DNAH9: variants seen among roughly 807,000 people sequenced by gnomAD.
DNAH9 encodes the protein dynein axonemal heavy chain 9.
Under a neutral mutation model 471.6 loss-of-function variants are expected in DNAH9, and 345 were observed. The observed-to-expected ratio is 0.73, with a 90% CI of 0.67 to 0.80. DNAH9 has a LOEUF of 0.80. DNAH9 is among the 30% of genes least tolerant of loss of function. The probability of loss-of-function intolerance (pLI) is 0.00; values close to 1 mark genes in which losing one functional copy is unlikely to be tolerated. For synonymous variants in DNAH9, 2,093 were observed against 2,123.6 expected (o/e 0.99, Z 0.40); for missense variants, 5,407 against 5,609.2 (o/e 0.96, Z 1.15).
In DNAH9 at chr17:11,781,858, AC is replaced by A. The variant is rs1293054533; in HGVS notation, c.7718+685del. ...AAAAAAAAAAACAAACAAAAAAAAA[AC>A]TACCAAACACCCGGTACCATGCACC... On this transcript the variant is annotated intron_variant, in intron 39 of 68. Coordinates refer to ENST00000262442, the MANE Select transcript of DNAH9 (RefSeq NM_001372.4). 3.8e-4 allele frequency among the ~76,000 whole-genome samples: 57 copies of A among 149,470 alleles called. 1 individual carries two copies. Among genetic ancestry groups the A allele is most frequent in the Non-Finnish European group, 6.1e-4 (41 of 67,502 alleles).
intron 45 of DNAH9, among the ~76,000 whole-genome samples, chr17:11,816,875 C>T (rs1393360570): frequency 2.0e-5 from 3 of 152,170 alleles, no homozygotes; most frequent in Admixed American, 1.3e-4. Flanking sequence ...TCCCAACTTT[C>T]GGTGAAACCT....
rs1434106170 is a variant in DNAH9 at position 11,669,092 on chromosome 17, T to G, written c.2760T>G (p.Phe920Leu). 1 of 1,613,678 alleles carries G rather than the reference T, an allele frequency of 6.2e-7. No individual in the cohort carries two copies. Among genetic ancestry groups the G allele is most frequent in the South Asian group, 1.1e-5 (1 of 91,026 alleles). Residue 920 changes from phenylalanine to leucine, a missense_variant, in exon 16 of 69, where the codon TTT becomes TTG. By Grantham distance (22) the Phe-to-Leu change is conservative. Around this residue, in one of 3 missense-constraint regions of DNAH9, gnomAD observed 4,636 missense variants for 4,900.3 expected, o/e 0.95. Coordinates refer to ENST00000262442, the MANE Select transcript of DNAH9 (RefSeq NM_001372.4). Reference sequence around the variant, plus strand: ...GTAAGGCAGGACTTACCCCAATATTTGAAGCACAACTGAGTCTAGCCATCC... The same window carrying G: ...GTAAGGCAGGACTTACCCCAATATTGGAAGCACAACTGAGTCTAGCCATCC... Reference protein sequence around the residue: ...TECKAGLTPIFEAQLSLAIPE... With the variant: ...TECKAGLTPILEAQLSLAIPE...
At chr17:11,694,702 C>CTCGCTT (rs2074411698) in intron 22 of DNAH9, among the ~76,000 whole-genome samples, 2 of 4,062 alleles carry the variant, frequency 4.9e-4, no homozygotes, top group Non-Finnish European at 2.3e-3. Flanking sequence ...TTCTCGCTTT[C>CTCGCTT]TCTCTCTCTC....
At chr17:11,779,827 ATTAAAT>A (rs1295605820) in intron 38 of DNAH9, among the ~76,000 whole-genome samples, 2 of 152,234 alleles carry the variant, frequency 1.3e-5, no homozygotes, top group Non-Finnish European at 2.9e-5. Flanking sequence ...TTGGATGCTA[ATTAAAT>A]TTAAATTTAA....
At chr17:11,957,220 C>A (rs1235382006) in intron 67 of DNAH9, among the ~76,000 whole-genome samples, 1 of 152,038 alleles carries the variant, frequency 6.6e-6, no homozygotes, top group Non-Finnish European at 1.5e-5. Context: ...AAATGTATAA[C>A]CTAAATAGCC....
At chr17:11,621,407 C>CAAAAAAA (rs34933930) in intron 6 of DNAH9, among the ~76,000 whole-genome samples, 3 of 72,594 alleles carry the variant, frequency 4.1e-5, no homozygotes, top group African/African-American at 1.1e-4. Context: ...GACTCCATCT[C>CAAAAAAA]AAAAAAAAAA....
intron 59 of DNAH9, among the ~76,000 whole-genome samples, chr17:11,897,942 G>A (rs1973270481): frequency 6.6e-6 from 1 of 152,106 alleles, no homozygotes; most frequent in African/African-American, 2.4e-5. Flanking sequence ...GCAGGGCCGT[G>A]CTCCCTCCAG....
At position 11,828,472 on chromosome 17, in the gene DNAH9, T is replaced by TCAAAAA. The variant is rs1327302845; in HGVS notation, c.9246+5439_9246+5444dup. Among the ~76,000 whole-genome samples the TCAAAAA allele has an allele frequency of 5.5e-5, 2 of 36,434 alleles. 1 individual carries two copies. The highest frequency in any genetic ancestry group is 1.3e-4 in the Non-Finnish European group (2 of 15,232). 23.9% of individuals were successfully genotyped at this position (36,434 alleles called of 152,430 possible). ...TGGGCAACAAGAGTGAAACTCCGTC[T>TCAAAAA]CAAAAAAAAAAAAAATAGTGCCCGA... On this transcript the variant is annotated intron_variant, in intron 48 of 68. Transcript: ENST00000262442.
chr17:11,905,733 A>G lies in DNAH9; in HGVS notation c.11673A>G (p.Glu3891=). The G allele has an allele frequency of 6.2e-7, 1 of 1,614,164 alleles. No homozygotes were observed. Among genetic ancestry groups the G allele is most frequent in the East Asian group, 2.2e-5 (1 of 44,874 alleles). ...CCCTAGATTTTGCAACCTCATTTGA[A>G]GAATCGGGACCAGCCACTCCTATGT... is the stretch of plus-strand genomic sequence containing the variant. ...GRALDFATSF[E]ESGPATPMFF... Residue 3891 remains glutamate, a synonymous_variant, in exon 61 of 69, where the codon GAA becomes GAG. Transcript: ENST00000262442.
At chr17:11,700,847 T>G (rs570846800) in intron 23 of DNAH9, among the ~76,000 whole-genome samples, 1 of 152,292 alleles carries the variant, frequency 6.6e-6, no homozygotes, top group Non-Finnish European at 1.5e-5. Context: ...TTGTATGAGC[T>G]CTGGGTGACA....
chr17:11,829,046 G>A (rs1261448754), intron 48 of DNAH9, among the ~76,000 whole-genome samples: 1 of 152,180 alleles, frequency 6.6e-6, no homozygotes, highest in Non-Finnish European at 1.5e-5. Context: ...AGCTCAGAGT[G>A]GGGGTGGAGG....
In DNAH9 at chr17:11,854,001, A is replaced by G. The variant is rs929667186; in HGVS notation, c.9508-2A>G. 2.5e-6 allele frequency: 4 copies of G among 1,612,524 alleles called. No homozygotes were observed. The highest frequency in any genetic ancestry group is 3.4e-6 in the Non-Finnish European group (4 of 1,178,860). On this transcript the variant is annotated splice_acceptor_variant, in intron 49 of 68. Transcript: ENST00000262442. LOFTEE classifies it high-confidence loss of function. ...CCTAACCACCTCCTTCTCTTTTCCC[A>G]GACCAACCTGACAGAGCTGAAGTCA... is the stretch of plus-strand genomic sequence containing the variant.
intron 48 of DNAH9, among the ~76,000 whole-genome samples, chr17:11,826,399 C>T (rs373886904): frequency 2.9e-5 from 3 of 104,126 alleles, no homozygotes; most frequent in African/African-American, 1.1e-4. Flanking sequence ...TCAGTTCCCA[C>T]ATTTAAAAAT....
In DNAH9 at chr17:11,857,103, A is replaced by T. The variant is rs1446227732; in HGVS notation, c.9933+2675A>T. On this transcript the variant is annotated intron_variant, in intron 50 of 68. Transcript: ENST00000262442. ...AGTCTCTTCCAGAAAATATAACAAG[A>T]ACTGCATTTTCAAAGACTCTTGACT... Among the ~76,000 whole-genome samples, 3 of 152,194 alleles carry T rather than the reference A, an allele frequency of 2.0e-5. No homozygotes were observed. In the East Asian group the frequency reaches 5.8e-4, roughly 29 times the overall value.
At chr17:11,909,423 G>T (rs183063243) in intron 61 of DNAH9, among the ~76,000 whole-genome samples, 110 of 152,100 alleles carry the variant, frequency 7.2e-4, no homozygotes, top group African/African-American at 2.2e-3. Context: ...CCCAAACCAC[G>T]AGAGTTACTC....
chr17:11,621,474 G>A (rs1193991321), intron 6 of DNAH9, among the ~76,000 whole-genome samples: 2 of 151,272 alleles, frequency 1.3e-5, no homozygotes, highest in African/African-American at 4.9e-5. Context: ...CATATTCCCA[G>A]CTGTCATGAG....
chr17:11,665,493 A>G (rs1351249638), intron 15 of DNAH9, among the ~76,000 whole-genome samples: 1 of 152,242 alleles, frequency 6.6e-6, no homozygotes, highest in Non-Finnish European at 1.5e-5. Flanking sequence ...TTTTCAGAAG[A>G]AAAAGAAATG....
At chr17:11,752,080 T>G (rs1967176770) in intron 32 of DNAH9, among the ~76,000 whole-genome samples, 1 of 152,124 alleles carries the variant, frequency 6.6e-6, no homozygotes, top group South Asian at 2.1e-4. Context: ...ATTAGGGACA[T>G]AAAGCCATAT....
intron 50 of DNAH9, among the ~76,000 whole-genome samples, chr17:11,856,741 C>T (rs765274082): frequency 1.3e-5 from 2 of 151,926 alleles, no homozygotes; most frequent in Non-Finnish European, 2.9e-5. Flanking sequence ...AGCAACTCAC[C>T]TCCTCTCAAT....
Sources: allele counts gnomAD v4.1 joint callset (sites outside exome capture counted in the v4.1 genomes callset), GRCh38; gene constraint gnomAD v4.1.1; regional missense constraint gnomAD v4.1.1; transcripts MANE v1.5; gene names NCBI Gene and HGNC (gene_info 2026-07-23, HGNC 2026-07-21).